Variants in SUPT5H observed in about 807,000 individuals in gnomAD.
SUPT5H encodes the protein SPT5 homolog, DSIF elongation factor subunit, also known as transcription elongation factor SPT5.
Under a neutral mutation model 142.5 loss-of-function variants are expected in SUPT5H, and 24 were observed. The ratio of observed to expected loss-of-function variants is 0.17; its 90% CI spans 0.12 to 0.24. The LOEUF (loss-of-function observed/expected upper bound fraction) is 0.24. Ranked by LOEUF, SUPT5H falls within the 10% of genes least tolerant of loss-of-function variation. The probability of loss-of-function intolerance (pLI) is 1.00; values close to 1 mark genes in which losing one functional copy is unlikely to be tolerated. For missense variants in SUPT5H, 893 were observed against 1,471.8 expected (o/e 0.61, Z 6.43); for synonymous variants, 546 against 553.0 (o/e 0.99, Z 0.18).
chr19:39,469,729 G>A lies in SUPT5H; in HGVS notation c.1374+331G>A, dbSNP rs984195843. On this transcript the variant is annotated intron_variant, in intron 16 of 29. Transcript: ENST00000432763. The surrounding 1 kb of genome is among the most constrained non-coding windows in gnomAD (Gnocchi z 5.1). ...ACTTTGTTTGCTTAGAGCGGGGTGT[G>A]TGTTTGTCTGTGTCTGGTGTATGTC... The A allele has an allele frequency of 4.0e-6, 2 of 495,936 alleles. No individual in the cohort carries two copies. The highest frequency in any genetic ancestry group is 3.9e-5 in the African/African-American group (2 of 51,664). The allele number at this position is 495,936 out of a possible 1,614,324, so 30.7% of individuals were successfully genotyped here.
chr19:39,468,480 A>G lies in SUPT5H; in HGVS notation c.1038-276A>G, dbSNP rs565631083. 11 of 503,036 alleles carry G rather than the reference A, an allele frequency of 2.2e-5. 1 individual carries two copies. The highest frequency in any genetic ancestry group is 5.4e-4 in the Middle Eastern group (1 of 1,838). The allele number at this position is 503,036 out of a possible 1,614,324, so 31.2% of individuals were successfully genotyped here. On this transcript the variant is annotated intron_variant, in intron 13 of 29. Transcript: ENST00000432763. Reference sequence around the variant, plus strand: ...TTACATCCCTGACCTTCTGGAGCTGACATGCTAGTTAGGGGGACAGGTCAA... The same window carrying G: ...TTACATCCCTGACCTTCTGGAGCTGGCATGCTAGTTAGGGGGACAGGTCAA...
chr19:39,458,577 C>A lies in SUPT5H; in HGVS notation c.320-241C>A. ...GGGTGCAGTCCAGGGTGTGCCTGGA[C>A]TTTGAGATGGGAACAGCTGGAAGCC... On this transcript the variant is annotated intron_variant, in intron 5 of 29. Transcript: ENST00000432763. The surrounding 1 kb of genome is among the most constrained non-coding windows in gnomAD (Gnocchi z 4.2). The A allele has an allele frequency of 1.4e-6, 1 of 719,658 alleles. No homozygotes were observed. Among genetic ancestry groups the A allele is most frequent in the Non-Finnish European group, 2.3e-6 (1 of 442,394 alleles). The allele number at this position is 719,658 out of a possible 1,614,324, so 44.6% of individuals were successfully genotyped here. A position where few individuals can be genotyped will look rare whatever the true frequency, so the allele number is the denominator to read the frequency against.
In SUPT5H at chr19:39,476,484, G is replaced by C; in HGVS notation, c.*85G>C. On this transcript the variant is annotated 3_prime_UTR_variant, in exon 30 of 30. Coordinates refer to ENST00000432763, the MANE Select transcript of SUPT5H (RefSeq NM_001111020.3). ...CTTGGCTGTGACACAAGATCCTCCT[G>C]CAGGGCTAGGCGGATTGTTCTGGAT... 6.6e-7 allele frequency: 1 copy of C among 1,509,914 alleles called. No homozygotes were observed. The highest frequency in any genetic ancestry group is 9.1e-7 in the Non-Finnish European group (1 of 1,103,202). The allele number at this position is 1,509,914 out of a possible 1,614,324, so 93.5% of individuals were successfully genotyped here. A position where few individuals can be genotyped will look rare whatever the true frequency, so the allele number is the denominator to read the frequency against.
In SUPT5H at chr19:39,453,473, C is replaced by T. The variant is rs2079046472; in HGVS notation, c.193C>T (p.Arg65Ter). The T allele has an allele frequency of 6.4e-7, 1 of 1,550,896 alleles. No individual in the cohort carries two copies. The highest frequency in any genetic ancestry group is 8.7e-7 in the Non-Finnish European group (1 of 1,146,426). ...DEEEEEEDDD[R>*]PPKKPRHGGF... ...GGAAGAGGAGGAAGAAGATGATGAC[C>T]GACCCCCCAAGAAACCCCGCCATGG... Residue 65 changes from arginine (R) to a stop codon, truncating the protein, a stop_gained, in exon 3 of 30, where the codon CGA (arginine) becomes TGA (stop). Coordinates refer to ENST00000432763, the MANE Select transcript of SUPT5H (RefSeq NM_001111020.3). LOFTEE classifies it high-confidence loss of function.
chr19:39,473,599 G>T lies in SUPT5H; in HGVS notation c.2492+78G>T. 6.8e-7 allele frequency: 1 copy of T among 1,460,578 alleles called. No homozygotes were observed. The highest frequency in any genetic ancestry group is 2.3e-5 in the East Asian group (1 of 42,822). The allele number at this position is 1,460,578 out of a possible 1,614,324, so 90.5% of individuals were successfully genotyped here. A position where few individuals can be genotyped will look rare whatever the true frequency, so the allele number is the denominator to read the frequency against. ...ATGCTGGGTGTCTGGGGCATTGGAG[G>T]GGTTTGTGGGGCCCACCCAGCATTC... On this transcript the variant is annotated intron_variant, in intron 25 of 29. Coordinates refer to ENST00000432763, the MANE Select transcript of SUPT5H (RefSeq NM_001111020.3). The surrounding 1 kb of genome is among the most constrained non-coding windows in gnomAD (Gnocchi z 5.8).
rs1388045970 is a variant in SUPT5H, at chr19:39,472,877, G to A, written c.2103G>A (p.Arg701=). The A allele has an allele frequency of 1.2e-6, 2 of 1,613,866 alleles. No individual in the cohort carries two copies. The highest frequency in any genetic ancestry group is 2.2e-5 in the East Asian group (1 of 44,878). The change falls in exon 22 of 30, where the codon AGG becomes AGA. Residue 701 remains arginine (R), a synonymous_variant. Transcript: ENST00000432763. The surrounding 1 kb of genome is among the most constrained non-coding windows in gnomAD (Gnocchi z 4.2). The stretch of plus-strand genomic sequence containing the variant: ...GCATGAGCAGGGGCCGGGGCCGGAG[G>A]GACAACGAACTCATCGGCCAGACCG... The part of the protein sequence containing the change: ...SGGMSRGRGR[R]DNELIGQTVR...
Position 39,472,669 on chromosome 19 carries a change from G to A in SUPT5H, c.2036-141G>A. On this transcript the variant is annotated intron_variant, in intron 21 of 29. Coordinates refer to ENST00000432763, the MANE Select transcript of SUPT5H (RefSeq NM_001111020.3). The surrounding 1 kb of genome is among the most constrained non-coding windows in gnomAD (Gnocchi z 4.2). ...GCCCAGAATGGTCAGGGCTTCCATA[G>A]GAAAGCCATGGGGCAGGGGTGGGCA... The A allele has an allele frequency of 7.0e-7, 1 of 1,426,476 alleles. No individual in the cohort carries two copies. The highest frequency in any genetic ancestry group is 1.4e-5 in the South Asian group (1 of 72,576). 88.4% of individuals were successfully genotyped at this position (1,426,476 alleles called of 1,614,324 possible).
chr19:39,457,913 C>A (rs1399719311), intron 4 of SUPT5H, 173 bp downstream of exon 4: 6 of 1,240,588 alleles, frequency 4.8e-6, no homozygotes, highest in South Asian at 3.9e-5. Context: ...TCCTTTTAGG[C>A]CCATGAGTGG....
In SUPT5H at chr19:39,473,319, C is replaced by T; in HGVS notation, c.2375C>T (p.Pro792Leu). Residue 792 changes from proline (P) to leucine (L), a missense_variant, in exon 24 of 30, where the codon CCC becomes CTC. This residue lies in a region of SUPT5H where 336 missense variants were observed against 546.5 expected (regional missense o/e 0.61). Transcript: ENST00000432763. The surrounding 1 kb of genome is among the most constrained non-coding windows in gnomAD (Gnocchi z 5.8). ...SRTPMYGSQTPLQDGSRTPHY... is the reference protein window; with the variant it reads ...SRTPMYGSQTLLQDGSRTPHY... ...ACACCCATGTACGGCTCACAGACAC[C>T]CCTCCAGGATGGTGAGTGCCCGCAG... The T allele has an allele frequency of 6.2e-7, 1 of 1,613,916 alleles. No individual in the cohort carries two copies.
chr19:39,473,058 G>A lies in SUPT5H; in HGVS notation c.2202G>A (p.Val734=). The A allele has an allele frequency of 6.2e-7, 1 of 1,613,864 alleles. No individual in the cohort carries two copies. The highest frequency in any genetic ancestry group is 8.5e-7 in the Non-Finnish European group (1 of 1,179,936). ...VKDATESTAR[V]ELHSTCQTIS... ...ATGCCACAGAGTCCACGGCCCGTGT[G>A]GAGCTGCACTCCACCTGCCAGACCA... The change falls in exon 23 of 30, where the codon GTG becomes GTA. Residue 734 remains valine (V), a synonymous_variant. Transcript: ENST00000432763. This position sits in a 1 kb window ranked among gnomAD's most constrained non-coding sequence, Gnocchi z 5.8.
chr19:39,466,495 C>T lies in SUPT5H; in HGVS notation c.892C>T (p.Pro298Ser), dbSNP rs1241665191. 1.9e-6 allele frequency: 3 copies of T among 1,613,980 alleles called. No individual in the cohort carries two copies. The highest frequency in any genetic ancestry group is 2.5e-6 in the Non-Finnish European group (3 of 1,180,034). The stretch of plus-strand genomic sequence containing the variant: ...CCCTGCTCAGGTGGACTACGTGGAG[C>T]CCAGCCAGAACACCATCTCCCTGAA... Reference protein sequence around the residue: ...DDIAQVDYVEPSQNTISLKMI... With the variant: ...DDIAQVDYVESSQNTISLKMI... Residue 298 changes from proline to serine, a missense_variant, in exon 12 of 30, where the codon CCC becomes TCC. Pro to Ser is a moderately conservative substitution (Grantham distance 74, BLOSUM62 -1). This residue lies in a region of SUPT5H where 428 missense variants were observed against 763.5 expected (regional missense o/e 0.56). Coordinates refer to ENST00000432763, the MANE Select transcript of SUPT5H (RefSeq NM_001111020.3). This position sits in a 1 kb window ranked among gnomAD's most constrained non-coding sequence, Gnocchi z 4.3.
intron 3 of SUPT5H, among the ~76,000 whole-genome samples, chr19:39,455,420 G>GGCGT (rs1293312692): frequency 6.6e-6 from 1 of 151,784 alleles, no homozygotes; most frequent in Non-Finnish European, 1.5e-5. Context: ...AAATTAGCTG[G>GGCGT]GCGTGGTGGC....
At chr19:39,454,749 T>A (rs1156306649) in intron 3 of SUPT5H, among the ~76,000 whole-genome samples, 1 of 152,208 alleles carries the variant, frequency 6.6e-6, no homozygotes, top group East Asian at 1.9e-4. Context: ...TGTTTTCCCT[T>A]ACCTATGGGA....
chr19:39,471,841 T>C (rs1267989552), intron 20 of SUPT5H, 111 bp downstream of exon 20: 6 of 1,424,068 alleles, frequency 4.2e-6, no homozygotes, highest in South Asian at 1.4e-5. Context: ...AGGAGAGCAG[T>C]GTCATTGTCA....
In SUPT5H at chr19:39,476,270, G is replaced by C; in HGVS notation, c.3135G>C (p.Leu1045=). 1 of 1,614,122 alleles carries C rather than the reference G, an allele frequency of 6.2e-7. No homozygotes were observed. Among genetic ancestry groups the C allele is most frequent in the Non-Finnish European group, 8.5e-7 (1 of 1,180,020 alleles). ...PTKNNKVKVI[L]GEDREATGVL... is the part of the protein sequence containing the mutation. ...CCCACCCCCAGGTGAAAGTGATCCT[G>C]GGCGAGGATCGGGAAGCCACGGGCG... Residue 1045 remains leucine (L), a synonymous_variant, in exon 30 of 30, where the codon CTG becomes CTC. Transcript: ENST00000432763.
chr19:39,445,858 C>T lies in SUPT5H; in HGVS notation c.-33C>T. 1 of 1,610,118 alleles carries T rather than the reference C, an allele frequency of 6.2e-7. No individual in the cohort carries two copies. The highest frequency in any genetic ancestry group is 8.5e-7 in the Non-Finnish European group (1 of 1,178,664). ...TGGAGCGCAGGATTGTGGGACGCGC[C>T]AAGGCTGCTGTCTTTCCCAGCAGCA... is the stretch of plus-strand genomic sequence containing the variant. On this transcript the variant is annotated 5_prime_UTR_variant, in exon 2 of 30. Coordinates refer to ENST00000432763, the MANE Select transcript of SUPT5H (RefSeq NM_001111020.3).
rs1477663107 is a variant in SUPT5H at position 39,476,572 on chromosome 19, G to A, written c.*173G>A. 1 of 861,714 alleles carries A rather than the reference G, an allele frequency of 1.2e-6. No individual in the cohort carries two copies. The highest frequency in any genetic ancestry group is 1.7e-6 in the Non-Finnish European group (1 of 575,792). The allele number at this position is 861,714 out of a possible 1,614,324, so 53.4% of individuals were successfully genotyped here. On this transcript the variant is annotated 3_prime_UTR_variant, in exon 30 of 30. Transcript: ENST00000432763. ...CTCCCTGGTGCTCATTGGAATCTGA[G>A]TAGAGTCTGGGGGAGGGTCCCCACC... is the stretch of plus-strand genomic sequence containing the variant.
rs534667857 is a variant in SUPT5H, at chr19:39,472,960, A to T, written c.2155+31A>T. ...CTGCGAGGCCTGTGGAGGCCTGGGG[A>T]GGGGCATGGTGAAGGAGAGCCTGCC... On this transcript the variant is annotated intron_variant, in intron 22 of 29. Transcript: ENST00000432763. The surrounding 1 kb of genome is among the most constrained non-coding windows in gnomAD (Gnocchi z 4.2). The T allele has an allele frequency of 3.4e-4, 553 of 1,611,396 alleles. No homozygotes were observed. Among genetic ancestry groups the T allele is most frequent in the Non-Finnish European group, 4.5e-4 (532 of 1,178,188 alleles).
In SUPT5H at chr19:39,471,371, C is replaced by T. The variant is rs750528697; in HGVS notation, c.1692C>T (p.Tyr564=). The T allele has an allele frequency of 4.3e-6, 7 of 1,614,068 alleles. No homozygotes were observed. Among genetic ancestry groups the T allele is most frequent in the African/African-American group, 2.7e-5 (2 of 74,922 alleles). The change falls in exon 19 of 30, where the codon TAC becomes TAT. Residue 564 remains tyrosine (Y), a synonymous_variant. Coordinates refer to ENST00000432763, the MANE Select transcript of SUPT5H (RefSeq NM_001111020.3). ...ERETFQVLNM[Y]GKVVTVRHQA... The stretch of plus-strand genomic sequence containing the variant: ...TCCCTCTGTAGGTGCTGAACATGTA[C>T]GGGAAGGTGGTGACTGTCAGACATC...
Sources: gnomAD v4.1 joint callset for allele counts (sites outside exome capture counted in the v4.1 genomes callset) on GRCh38, gnomAD v4.1.1 for gene constraint, gnomAD v4.1.1 regional missense constraint, Gnocchi (gnomAD v3.1) non-coding constraint, MANE v1.5 for transcripts, NCBI Gene and HGNC (gene_info 2026-07-23, HGNC 2026-07-21) for gene names.